ALMS1: variants seen among roughly 807,000 people sequenced by gnomAD.
ALMS1 encodes the protein centrosome-associated protein ALMS1.
A neutral mutation model predicts 352.2 loss-of-function variants in ALMS1; 271 were observed. That is an observed-to-expected ratio of 0.77 (90% CI 0.70 to 0.85). The LOEUF (loss-of-function observed/expected upper bound fraction) is 0.85. ALMS1 is among the 40% of genes least tolerant of loss of function. The pLI is 0.00. For synonymous variants in ALMS1, 1,865 were observed against 1,761.2 expected (o/e 1.06, Z -1.48); for missense variants, 5,445 against 4,870.7 (o/e 1.12, Z -3.51).
At chr2:73,480,048 TTTTC>T (rs1311462176) in intron 9 of ALMS1, among the ~76,000 whole-genome samples, 1 of 151,840 alleles carries the variant, frequency 6.6e-6, no homozygotes, top group Non-Finnish European at 1.5e-5. Flanking sequence ...CTTTTGCCCA[TTTTC>T]TTTTTTTATT....
intron 9 of ALMS1, among the ~76,000 whole-genome samples, chr2:73,480,000 T>C (rs1672661744): frequency 6.6e-6 from 1 of 152,140 alleles, no homozygotes; most frequent in Admixed American, 6.5e-5. Flanking sequence ...ATATTTCTGT[T>C]TCCAGTCTCT....
chr2:73,392,118 G>A (rs1370125100), intron 1 of ALMS1, among the ~76,000 whole-genome samples: 3 of 151,224 alleles, frequency 2.0e-5, no homozygotes, highest in East Asian at 3.9e-4. Context: ...ACTAGGTAGG[G>A]GTTTATTTAA....
At chr2:73,537,377 C>A (rs779333559) in intron 12 of ALMS1, among the ~76,000 whole-genome samples, 13 of 152,186 alleles carry the variant, frequency 8.5e-5, no homozygotes, top group Non-Finnish European at 1.9e-4. Flanking sequence ...TAGGTCTTAT[C>A]TCTGGCTGAC....
intron 16 of ALMS1, among the ~76,000 whole-genome samples, chr2:73,587,994 C>G (rs1675346017): frequency 1.3e-5 from 2 of 151,948 alleles, no homozygotes; most frequent in African/African-American, 2.4e-5. Flanking sequence ...CCGAACAGAC[C>G]AATAACAAGT....
Position 73,392,785 on chromosome 2 carries a change from T to A in ALMS1, c.324+6593T>A, listed in dbSNP as rs142571259. Among the ~76,000 whole-genome samples, 8 of 152,346 alleles carry A rather than the reference T, an allele frequency of 5.3e-5. No individual in the cohort carries two copies. In the East Asian group the frequency reaches 1.5e-3, roughly 29 times the overall value. ...GTTTTTTTTCCTCCTTTTTGGCTAT[T>A]ATGTATAATGCTACCGTAGACATTC... On this transcript the variant is annotated intron_variant, in intron 1 of 22. Coordinates refer to ENST00000613296, the MANE Select transcript of ALMS1 (RefSeq NM_001378454.1).
chr2:73,499,343 C>T (rs772622965), intron 10 of ALMS1, among the ~76,000 whole-genome samples: 37 of 152,060 alleles, frequency 2.4e-4, no homozygotes, highest in Non-Finnish European at 4.9e-4. Flanking sequence ...TGTAAAGAAG[C>T]TTTTTAATTT....
chr2:73,557,731 T>A (rs2104059653), intron 14 of ALMS1, among the ~76,000 whole-genome samples: 1 of 152,342 alleles, frequency 6.6e-6, no homozygotes, highest in South Asian at 2.1e-4. Flanking sequence ...ATTCAGCTTG[T>A]TTACTTCCTA....
Position 73,608,722 on chromosome 2 carries a change from T to C in ALMS1, c.12462+148T>C, listed in dbSNP as rs768253364. ...AATGCACTGGACCAGTGTTGAAATTTGGAAGAAGGCATCTGTAATTAGACT... is the reference window on the plus strand; with the variant it reads ...AATGCACTGGACCAGTGTTGAAATTCGGAAGAAGGCATCTGTAATTAGACT... On this transcript the variant is annotated intron_variant, in intron 22 of 22. Transcript: ENST00000613296. The C allele has an allele frequency of 4.8e-4, 342 of 713,532 alleles. 1 individual carries two copies. The highest frequency in any genetic ancestry group is 2.4e-4 in the Non-Finnish European group (98 of 400,090). The allele number at this position is 713,532 out of a possible 1,614,324, so 44.2% of individuals were successfully genotyped here.
At chr2:73,507,752 A>G (rs1673361239) in intron 10 of ALMS1, among the ~76,000 whole-genome samples, 1 of 152,000 alleles carries the variant, frequency 6.6e-6, no homozygotes, top group Non-Finnish European at 1.5e-5. Flanking sequence ...TTTTTTTGGA[A>G]GGGTTTTTCG....
At chr2:73,506,285 C>T (rs878967498) in intron 10 of ALMS1, among the ~76,000 whole-genome samples, 2 of 151,976 alleles carry the variant, frequency 1.3e-5, no homozygotes, top group South Asian at 4.1e-4. Context: ...TTTTTTGGTT[C>T]CATATGAACT....
chr2:73,561,678 A>G (rs905058133), intron 15 of ALMS1, among the ~76,000 whole-genome samples: 1 of 145,182 alleles, frequency 6.9e-6, no homozygotes, highest in Non-Finnish European at 1.5e-5. Flanking sequence ...ACTTAACACT[A>G]CTGAACTGTA....
chr2:73,478,688 T>A (rs1672631746), intron 9 of ALMS1, among the ~76,000 whole-genome samples: 1 of 151,806 alleles, frequency 6.6e-6, no homozygotes, highest in African/African-American at 2.4e-5. Context: ...TTATTTATTT[T>A]ACTTTAAGTT....
intron 10 of ALMS1, 85 bp downstream of exon 10, chr2:73,491,583 G>A: frequency 7.0e-7 from 1 of 1,434,046 alleles, no homozygotes; most frequent in Non-Finnish European, 9.7e-7. Context: ...GGTTCTTGGG[G>A]GAAAGGCCGT....
intron 7 of ALMS1, among the ~76,000 whole-genome samples, chr2:73,439,056 GCTC>G (rs1671663176): frequency 1.8e-5 from 2 of 110,694 alleles, no homozygotes; most frequent in African/African-American, 6.8e-5. Flanking sequence ...TCTTCCTCCT[GCTC>G]CTCCTCTTTC....
At chr2:73,544,522 T>A (rs534217635) in intron 12 of ALMS1, among the ~76,000 whole-genome samples, 1 of 151,706 alleles carries the variant, frequency 6.6e-6, no homozygotes, top group Non-Finnish European at 1.5e-5. Context: ...AGTAAAAAAA[T>A]AAATAAATAA....
intron 1 of ALMS1, among the ~76,000 whole-genome samples, chr2:73,389,848 C>T (rs1196302648): frequency 6.6e-6 from 1 of 152,052 alleles, no homozygotes; most frequent in Non-Finnish European, 1.5e-5. Context: ...CACCACCACG[C>T]CTGGCTAATT....
intron 9 of ALMS1, among the ~76,000 whole-genome samples, chr2:73,461,830 C>T (rs865988958): frequency 6.6e-5 from 10 of 151,886 alleles, no homozygotes; most frequent in East Asian, 1.9e-4. Context: ...GGAGCTGATG[C>T]GATCAACTGG....
At chr2:73,423,767 CT>C (rs1397209494) in intron 4 of ALMS1, among the ~76,000 whole-genome samples, 1 of 151,704 alleles carries the variant, frequency 6.6e-6, no homozygotes, top group East Asian at 1.9e-4. Flanking sequence ...TTCTCTTTCT[CT>C]TTTTGTTTGT....
In ALMS1 at chr2:73,451,952, A is replaced by G. The variant is rs1257660889; in HGVS notation, c.5425A>G (p.Arg1809Gly). Residue 1809 changes from arginine to glycine, a missense_variant, in exon 8 of 23, where the codon AGA (arginine) becomes GGA (glycine). Coordinates refer to ENST00000613296, the MANE Select transcript of ALMS1 (RefSeq NM_001378454.1). The stretch of plus-strand genomic sequence containing the variant: ...AGTAACCTCTACTTCCTACTCACAC[A>G]GAGAGAAGCCCATTGTTTCCTACCA... Reference protein sequence around the residue: ...STVTSTSYSHREKPIVSYQRE... With the variant: ...STVTSTSYSHGEKPIVSYQRE... The G allele has an allele frequency of 4.8e-5, 77 of 1,613,912 alleles. No homozygotes were observed. The highest frequency in any genetic ancestry group is 6.4e-5 in the Non-Finnish European group (76 of 1,179,968).
Sources: allele counts gnomAD v4.1 joint callset (sites outside exome capture counted in the v4.1 genomes callset), GRCh38; gene constraint gnomAD v4.1.1; transcripts MANE v1.5; gene names NCBI Gene and HGNC (gene_info 2026-07-23, HGNC 2026-07-21).